Variants in ANKS6 observed in about 807,000 individuals in gnomAD.
The protein encoded by ANKS6 is ankyrin repeat and SAM domain-containing protein 6.
Under a neutral mutation model 77.9 loss-of-function variants are expected in ANKS6, and 47 were observed. That is an observed-to-expected ratio of 0.60 (90% CI 0.48 to 0.77). The LOEUF is 0.77. Among genes scored for constraint, ANKS6 ranks in the 30% least tolerant of loss-of-function variants. ANKS6 has a pLI of 0.00. For missense variants in ANKS6, 1,150 were observed against 1,159.1 expected (o/e 0.99, Z 0.11); for synonymous variants, 488 against 501.7 (o/e 0.97, Z 0.37).
chr9:98,787,372 C>T (rs1054083081), intron 2 of ANKS6, among the ~76,000 whole-genome samples: 1 of 141,222 alleles, frequency 7.1e-6, no homozygotes, highest in African/African-American at 2.6e-5. Context: ...TTACACTGCC[C>T]TTTTTTTTTT....
chr9:98,754,455 C>A (rs1471188232), intron 12 of ANKS6, among the ~76,000 whole-genome samples: 2 of 152,040 alleles, frequency 1.3e-5, no homozygotes, highest in Non-Finnish European at 2.9e-5. Context: ...TCCTGGCTAA[C>A]ACGGTGAAAC....
At chr9:98,755,376 C>A (rs775606714) in intron 12 of ANKS6, among the ~76,000 whole-genome samples, 3 of 152,230 alleles carry the variant, frequency 2.0e-5, no homozygotes, top group Non-Finnish European at 4.4e-5. Context: ...CTCTTTCCCC[C>A]ATCCCAGCTC....
Position 98,734,902 on chromosome 9 carries a change from G to A in ANKS6, c.*1617C>T, listed in dbSNP as rs1470272948. On this transcript the variant is annotated 3_prime_UTR_variant, in exon 15 of 15. Transcript: ENST00000353234. ...TCCTGTGGAAAGTTGGCTTCTGTGAGTGTAAGGCTGAGAGAATTTAAAGGA... is the reference window on the plus strand; with the variant it reads ...TCCTGTGGAAAGTTGGCTTCTGTGAATGTAAGGCTGAGAGAATTTAAAGGA... The A allele has an allele frequency of 5.1e-6, 5 of 985,384 alleles. No individual in the cohort carries two copies. The African/African-American group carries it at 8.7e-5, about 17-fold the overall frequency. The allele number at this position is 985,384 out of a possible 1,614,324, so 61.0% of individuals were successfully genotyped here. A position where few individuals can be genotyped will look rare whatever the true frequency, so the allele number is the denominator to read the frequency against.
chr9:98,796,504 G>T lies in ANKS6; in HGVS notation c.-13C>A, dbSNP rs1564237111. The T allele has an allele frequency of 1.0e-6, 1 of 986,472 alleles. No individual in the cohort carries two copies. The highest frequency in any genetic ancestry group is 1.2e-6 in the Non-Finnish European group (1 of 831,820). The allele number at this position is 986,472 out of a possible 1,614,324, so 61.1% of individuals were successfully genotyped here. Reference sequence around the variant, plus strand: ...CGCCCTCGCCCATCGCCGCCGCCACGCGCGGCCCGCTCCCGTCCGCCCCGC... The same window carrying T: ...CGCCCTCGCCCATCGCCGCCGCCACTCGCGGCCCGCTCCCGTCCGCCCCGC... On this transcript the variant is annotated 5_prime_UTR_variant, in exon 1 of 15. Transcript: ENST00000353234.
intron 8 of ANKS6, among the ~76,000 whole-genome samples, chr9:98,775,190 T>C (rs1291892475): frequency 6.6e-6 from 1 of 152,248 alleles, no homozygotes; most frequent in Non-Finnish European, 1.5e-5. Flanking sequence ...TTTCCCTCCC[T>C]GGGGTAACAG....
intron 14 of ANKS6, among the ~76,000 whole-genome samples, chr9:98,741,890 C>CTTA (rs1831852734): frequency 1.3e-5 from 2 of 152,198 alleles, no homozygotes; most frequent in Non-Finnish European, 2.9e-5. Flanking sequence ...AATGCTCAAT[C>CTTA]TTATTGATTG....
rs376656982 is a variant in ANKS6, at chr9:98,784,861, C to T, written c.878G>A (p.Arg293Gln). The T allele has an allele frequency of 2.2e-5, 35 of 1,613,300 alleles. No homozygotes were observed. Among genetic ancestry groups the T allele is most frequent in the Non-Finnish European group, 3.0e-5 (35 of 1,179,864 alleles). ...VRPKTDEEKR[R>Q]PDIFHALKMG... ...TTTCAATGCATGGAAAATATCAGGT[C>T]GCCTTTTCTCCTCATCTGGGTAAAC... The change falls in exon 3 of 15, where the codon CGA becomes CAA. Residue 293 changes from arginine to glutamine, a missense_variant. Physicochemically the swap from Arg to Gln is conservative, Grantham distance 43 (BLOSUM62 1). Transcript: ENST00000353234.
chr9:98,793,827 C>A (rs1054416508), intron 1 of ANKS6, among the ~76,000 whole-genome samples: 6 of 150,960 alleles, frequency 4.0e-5, no homozygotes, highest in African/African-American at 7.3e-5. Context: ...GCCACCGCAC[C>A]TGGCCAAAGG....
intron 1 of ANKS6, among the ~76,000 whole-genome samples, chr9:98,792,293 G>C (rs1445755263): frequency 6.6e-6 from 1 of 152,166 alleles, no homozygotes; most frequent in Non-Finnish European, 1.5e-5. Flanking sequence ...AACCAGGCTA[G>C]GTCAGTGCCC....
Position 98,796,222 on chromosome 9 carries a change from G to A in ANKS6, c.270C>T (p.His90=). 7.1e-7 allele frequency: 1 copy of A among 1,409,250 alleles called. No homozygotes were observed. The highest frequency in any genetic ancestry group is 9.3e-7 in the Non-Finnish European group (1 of 1,079,950). The allele number at this position is 1,409,250 out of a possible 1,614,324, so 87.3% of individuals were successfully genotyped here. ...GCAGCAGGAAGCGCACCAGCGGTTC[G>A]TGGCCCCCGGCCGCGGCGAACTGCA... ...TALQFAAAGG[H]EPLVRFLLRR... is the part of the protein sequence containing the mutation. Residue 90 remains histidine, a synonymous_variant, in exon 1 of 15, where the codon CAC becomes CAT. Coordinates refer to ENST00000353234, the MANE Select transcript of ANKS6 (RefSeq NM_173551.5).
rs535941604 is a variant in ANKS6 at position 98,782,183 on chromosome 9, G to A, written c.1219+284C>T. Among the ~76,000 whole-genome samples, 8 of 152,288 alleles carry A rather than the reference G, an allele frequency of 5.3e-5. No homozygotes were observed. In the East Asian group the frequency reaches 1.5e-3, roughly 29 times the overall value. ...ACAGATGCCATTCTAGGGTGTGTGT[G>A]GACTGCAAAGTCAGACACGTCTTAT... On this transcript the variant is annotated intron_variant, in intron 5 of 14. Coordinates refer to ENST00000353234, the MANE Select transcript of ANKS6 (RefSeq NM_173551.5).
chr9:98,742,625 T>C (rs1224244011), intron 14 of ANKS6, among the ~76,000 whole-genome samples: 2 of 152,166 alleles, frequency 1.3e-5, no homozygotes, highest in Admixed American at 6.5e-5. Context: ...TATTACTGTG[T>C]GGAACTGCCT....
intron 2 of ANKS6, among the ~76,000 whole-genome samples, chr9:98,787,333 T>C (rs1834626903): frequency 6.6e-6 from 1 of 151,358 alleles, no homozygotes; most frequent in East Asian, 1.9e-4. Context: ...GCAGGATGAA[T>C]TGTCCCAGCT....
At chr9:98,768,971 T>C (rs1232033662) in intron 10 of ANKS6, among the ~76,000 whole-genome samples, 1 of 151,616 alleles carries the variant, frequency 6.6e-6, no homozygotes, top group African/African-American at 2.4e-5. Flanking sequence ...ACTAAAAATA[T>C]AAAAAATTAG....
At chr9:98,783,862 T>C (rs2118127591) in intron 4 of ANKS6, 91 bp downstream of exon 4, 1 of 1,126,900 alleles carries the variant, frequency 8.9e-7, no homozygotes. Context: ...GTATGCAGCA[T>C]CTCAGGACCA....
rs908270185 is a variant in ANKS6 at position 98,736,532 on chromosome 9, C to A, written c.2603G>T (p.Ser868Ile). The part of the protein sequence containing the change: ...SASNTRAPGN[S>I]PCA ...CGGGAAGGAGGATCACGCACAGGGG[C>A]TGTTGCCAGGGGCCCTGGTGTTGCT... Residue 868 changes from serine to isoleucine, a missense_variant, in exon 15 of 15, where the codon AGC becomes ATC. Coordinates refer to ENST00000353234, the MANE Select transcript of ANKS6 (RefSeq NM_173551.5). 1.2e-6 allele frequency: 2 copies of A among 1,611,766 alleles called. No homozygotes were observed. The highest frequency in any genetic ancestry group is 1.7e-6 in the Non-Finnish European group (2 of 1,178,542).
intron 12 of ANKS6, among the ~76,000 whole-genome samples, chr9:98,753,462 G>A (rs557957444): frequency 5.4e-4 from 82 of 152,130 alleles, no homozygotes; most frequent in Non-Finnish European, 9.1e-4. Flanking sequence ...AATCCTCATT[G>A]TTAACATTTT....
chr9:98,750,265 GAA>G (rs1353229220), intron 13 of ANKS6, among the ~76,000 whole-genome samples: 2 of 83,254 alleles, frequency 2.4e-5, no homozygotes, highest in Non-Finnish European at 6.1e-5. Context: ...TCATATAAAT[GAA>G]AGCACACCCT....
intron 14 of ANKS6, among the ~76,000 whole-genome samples, chr9:98,738,671 A>G (rs1197361280): frequency 2.0e-5 from 3 of 152,168 alleles, no homozygotes; most frequent in Non-Finnish European, 2.9e-5. Flanking sequence ...TACCACCACT[A>G]TGGAAAACAG....
Sources: allele counts gnomAD v4.1 joint callset (sites outside exome capture counted in the v4.1 genomes callset), GRCh38; gene constraint gnomAD v4.1.1; transcripts MANE v1.5; gene names NCBI Gene and HGNC (gene_info 2026-07-23, HGNC 2026-07-21).